The following FGF12 variants were observed in gnomAD, a reference collection of about 807,000 sequenced individuals.
FGF12 encodes the protein fibroblast growth factor 12, also known as fibroblast growth factor 12B.
Under a neutral mutation model 23.6 loss-of-function variants are expected in FGF12, and 14 were observed. That is an observed-to-expected ratio of 0.59 (90% CI 0.39 to 0.93). The LOEUF is 0.93. Ranked by LOEUF, FGF12 falls within the 40% of genes least tolerant of loss-of-function variation. FGF12 has a pLI of 0.00. For synonymous variants in FGF12, 62 were observed against 77.3 expected (o/e 0.80, Z 1.04); for missense variants, 175 against 217.8 (o/e 0.80, Z 1.24).
intron 4 of FGF12, among the ~76,000 whole-genome samples, chr3:192,309,484 G>A (rs767731756): frequency 9.9e-5 from 15 of 152,158 alleles, no homozygotes; most frequent in South Asian, 2.1e-4. Context: ...GTCGGACACA[G>A]CCTTTGCCTT....
At chr3:192,680,298 A>T (rs1480093737) in intron 2 of FGF12, among the ~76,000 whole-genome samples, 1 of 152,194 alleles carries the variant, frequency 6.6e-6, no homozygotes, top group Non-Finnish European at 1.5e-5. Flanking sequence ...CAGGTGAAAA[A>T]CAAGATGACT....
chr3:192,267,615 C>G (rs1277383165), intron 4 of FGF12, among the ~76,000 whole-genome samples: 1 of 152,098 alleles, frequency 6.6e-6, no homozygotes, highest in Admixed American at 6.6e-5. Flanking sequence ...CCTCTCTTTT[C>G]CCGTAACATA....
chr3:192,354,102 G>A (rs548053964), intron 3 of FGF12, among the ~76,000 whole-genome samples: 19 of 152,166 alleles, frequency 1.2e-4, no homozygotes, highest in Non-Finnish European at 2.4e-4. Flanking sequence ...CATAACGAGT[G>A]ACTAAACTTT....
intron 3 of FGF12, among the ~76,000 whole-genome samples, chr3:192,356,945 G>T (rs6785356): frequency 0.064 from 9,710 of 152,154 alleles, 1,098 homozygotes; most frequent in African/African-American, 0.22. Context: ...GTTTTTATTT[G>T]ATATTCTTCA....
intron 2 of FGF12, among the ~76,000 whole-genome samples, chr3:192,698,782 T>C (rs1287434102): frequency 6.6e-6 from 1 of 152,178 alleles, no homozygotes; most frequent in Non-Finnish European, 1.5e-5. Flanking sequence ...TACTTGCCAA[T>C]GATGGTCAAA....
intron 2 of FGF12, among the ~76,000 whole-genome samples, chr3:192,717,414 A>C (rs1014045954): frequency 6.6e-6 from 1 of 152,210 alleles, no homozygotes; most frequent in African/African-American, 2.4e-5. Flanking sequence ...GCCTAAACAT[A>C]GTAAAAGCTG....
intron 2 of FGF12, among the ~76,000 whole-genome samples, chr3:192,613,609 T>C (rs1398573152): frequency 2.6e-5 from 4 of 151,994 alleles, no homozygotes; most frequent in South Asian, 4.1e-4. Context: ...AGATATTTTA[T>C]AAAAATTTAC....
intron 3 of FGF12, among the ~76,000 whole-genome samples, chr3:192,355,974 G>A (rs1718455587): frequency 6.6e-6 from 1 of 152,174 alleles, no homozygotes; most frequent in African/African-American, 2.4e-5. Context: ...AACAGAAGGA[G>A]ACCAAGTCTT....
chr3:192,284,131 C>A (rs959919617), intron 4 of FGF12, among the ~76,000 whole-genome samples: 2 of 152,014 alleles, frequency 1.3e-5, no homozygotes, highest in East Asian at 3.9e-4. Flanking sequence ...TAAAACTGTA[C>A]TTTGCTCCCC....
At chr3:192,483,433 AT>A (rs1184184213) in intron 2 of FGF12, among the ~76,000 whole-genome samples, 2 of 152,210 alleles carry the variant, frequency 1.3e-5, no homozygotes, top group Admixed American at 1.3e-4. Context: ...CGTAAAAAAA[AT>A]GTCTAATGTC....
chr3:192,452,972 A>T (rs1722571542), intron 2 of FGF12, among the ~76,000 whole-genome samples: 1 of 152,122 alleles, frequency 6.6e-6, no homozygotes, highest in Admixed American at 6.6e-5. Flanking sequence ...TGTATCTATG[A>T]TGCGTATCTT....
chr3:192,629,189 C>T (rs1410539301), intron 2 of FGF12, among the ~76,000 whole-genome samples: 3 of 152,152 alleles, frequency 2.0e-5, no homozygotes, highest in Non-Finnish European at 4.4e-5. Context: ...GTAGGAAATG[C>T]TATTTTTGGA....
At chr3:192,262,402 ATGGTTTTTAGATCTGAC>A (rs1461031777) in intron 4 of FGF12, among the ~76,000 whole-genome samples, 1 of 152,168 alleles carries the variant, frequency 6.6e-6, no homozygotes, top group African/African-American at 2.4e-5. Context: ...AGTTTTCAAA[ATGGTTTTTAGATCTGAC>A]TGCAGACAGT....
chr3:192,175,241 C>T (rs1387146107), intron 4 of FGF12, among the ~76,000 whole-genome samples: 1 of 152,072 alleles, frequency 6.6e-6, no homozygotes, highest in African/African-American at 2.4e-5. Flanking sequence ...TGATCCAGTG[C>T]ATATAATAGA....
chr3:192,689,341 T>A (rs1486149907), intron 2 of FGF12, among the ~76,000 whole-genome samples: 1 of 152,164 alleles, frequency 6.6e-6, no homozygotes, highest in Non-Finnish European at 1.5e-5. Flanking sequence ...AAGTATCACA[T>A]GCACCTCATG....
chr3:192,673,835 T>C (rs935703678), intron 2 of FGF12, among the ~76,000 whole-genome samples: 3 of 151,198 alleles, frequency 2.0e-5, no homozygotes, highest in Non-Finnish European at 3.0e-5. Flanking sequence ...TTGTGAATAG[T>C]GCTGCATTAA....
At chr3:192,369,635 T>G (rs1440070074) in intron 2 of FGF12, among the ~76,000 whole-genome samples, 1 of 152,214 alleles carries the variant, frequency 6.6e-6, no homozygotes, top group Non-Finnish European at 1.5e-5. Flanking sequence ...TTATTCCTCA[T>G]AGCATTAGCC....
intron 2 of FGF12, among the ~76,000 whole-genome samples, chr3:192,469,795 C>T (rs1011523338): frequency 6.6e-6 from 1 of 152,132 alleles, no homozygotes; most frequent in African/African-American, 2.4e-5. Flanking sequence ...AAAAAGTGGG[C>T]ACTGTGCAAT....
intron 4 of FGF12, among the ~76,000 whole-genome samples, chr3:192,334,232 G>A (rs1267286056): frequency 6.6e-6 from 1 of 152,054 alleles, no homozygotes; most frequent in Admixed American, 6.6e-5. Context: ...GGAGTTCAGA[G>A]GAGACTTGAG....
Sources: gnomAD v4.1 joint callset for allele counts (sites outside exome capture counted in the v4.1 genomes callset) on GRCh38, gnomAD v4.1.1 for gene constraint, MANE v1.5 for transcripts, NCBI Gene and HGNC (gene_info 2026-07-23, HGNC 2026-07-21) for gene names.